BCAP29: variants seen among roughly 807,000 people sequenced by gnomAD.
The protein encoded by BCAP29 is B cell receptor associated protein 29, also known as B-cell receptor-associated protein 29.
BCAP29 carries 34 observed loss-of-function variants against 31.8 expected under a neutral mutation model. That is an observed-to-expected ratio of 1.07 (90% CI 0.81 to 1.42). The LOEUF is 1.42. Among genes scored for constraint, BCAP29 ranks in the 40% most tolerant of loss-of-function variants. BCAP29 has a pLI of 0.00. For synonymous variants in BCAP29, 104 were observed against 91.3 expected (o/e 1.14, Z -0.79); for missense variants, 314 against 269.2 (o/e 1.17, Z -1.16).
downstream of BCAP29, chr7:107,622,735 G>C (rs1398545943): frequency 6.6e-6 from 1 of 152,200 alleles, no homozygotes; most frequent in Non-Finnish European, 1.5e-5. Context: ...ATAACCAGGG[G>C]AATGCTCCTA....
At chr7:107,617,403 T>C (rs1325654332) in intron 7 of BCAP29, among the ~76,000 whole-genome samples, 1 of 152,152 alleles carries the variant, frequency 6.6e-6, no homozygotes, top group Non-Finnish European at 1.5e-5. Context: ...TTATAGGCAC[T>C]AAATAAATAT....
intron 6 of BCAP29, among the ~76,000 whole-genome samples, chr7:107,608,533 C>G (rs769487804): frequency 6.6e-5 from 10 of 151,992 alleles, no homozygotes; most frequent in Non-Finnish European, 1.2e-4. Context: ...ACAAGATACT[C>G]CAGGCTTATC....
intron 2 of BCAP29, among the ~76,000 whole-genome samples, 164 bp from the exon 3 acceptor site, chr7:107,583,718 A>AT (rs1285362759): frequency 2.6e-5 from 4 of 152,130 alleles, no homozygotes; most frequent in Non-Finnish European, 5.9e-5. Flanking sequence ...TTGTTTTTTA[A>AT]TTCATGAGAT....
chr7:107,582,015 C>T (rs918939763), intron 2 of BCAP29, among the ~76,000 whole-genome samples: 1 of 152,194 alleles, frequency 6.6e-6, no homozygotes, highest in African/African-American at 2.4e-5. Context: ...AGTGTTCTTT[C>T]TACTCCATCA....
chr7:107,617,522 A>G (rs925619847), intron 7 of BCAP29, among the ~76,000 whole-genome samples: 1 of 152,202 alleles, frequency 6.6e-6, no homozygotes, highest in Non-Finnish European at 1.5e-5. Flanking sequence ...GCACAAACCC[A>G]TCAGCACCTG....
rs776461247 is a variant in BCAP29 at position 107,580,867 on chromosome 7, A to G, written c.92+3A>G. 2.5e-6 allele frequency: 4 copies of G among 1,575,934 alleles called. No individual in the cohort carries two copies. Among genetic ancestry groups the G allele is most frequent in the South Asian group, 1.2e-5 (1 of 85,660 alleles). On this transcript the variant is annotated splice_donor_region_variant and intron_variant, in intron 2 of 7. Coordinates refer to ENST00000005259, the MANE Select transcript of BCAP29 (RefSeq NM_018844.4). ...CTACCTTTTATTCCTCCTCAGAGGT[A>G]GGAAACCTTCAAATCGTTAACTAAT...
intron 3 of BCAP29, among the ~76,000 whole-genome samples, chr7:107,590,831 A>C (rs952511416): frequency 5.3e-5 from 8 of 151,152 alleles, no homozygotes; most frequent in African/African-American, 1.7e-4. Context: ...AAAAAAAAAA[A>C]AAAAAGAAAG....
chr7:107,612,391 T>TCA (rs1813284355), intron 6 of BCAP29, among the ~76,000 whole-genome samples: 1 of 30,878 alleles, frequency 3.2e-5, no homozygotes, highest in Non-Finnish European at 6.0e-5. Flanking sequence ...ATGTATTGTT[T>TCA]TATATATATA....
intron 3 of BCAP29, among the ~76,000 whole-genome samples, chr7:107,590,188 G>A (rs1243343264): frequency 2.0e-5 from 3 of 152,094 alleles, no homozygotes; most frequent in Admixed American, 2.0e-4. Context: ...TTTAAAATCG[G>A]TGATTTTAGT....
rs1810955516 is a variant in BCAP29 at position 107,600,457 on chromosome 7, G to C, written c.541G>C (p.Val181Leu). Residue 181 changes from valine (V) to leucine (L), a missense_variant, in exon 6 of 8, where the codon GTA becomes CTA. Coordinates refer to ENST00000005259, the MANE Select transcript of BCAP29 (RefSeq NM_018844.4). ...CVLEAENKKLVEDQEKLKTEL... is the reference protein window; with the variant it reads ...CVLEAENKKLLEDQEKLKTEL... ...TTTGGAAGCAGAAAATAAAAAACTA[G>C]TAGAAGACCAGGAGAAACTGAAAAC... The C allele has an allele frequency of 1.2e-6, 2 of 1,611,276 alleles. No individual in the cohort carries two copies. Among genetic ancestry groups the C allele is most frequent in the Non-Finnish European group, 8.5e-7 (1 of 1,178,392 alleles).
Position 107,583,968 on chromosome 7 carries a change from T to C in BCAP29, c.179T>C (p.Ile60Thr). ...KAFLTIIILL[I>T]VLFLDAVREV... ...TTCCTTACCATTATCATCCTATTGA[T>C]TGTTCTATTTCTAGGTAAGTACTAG... Residue 60 changes from isoleucine to threonine, a missense_variant, in exon 3 of 8, where the codon ATT becomes ACT. Ile to Thr is a moderately conservative substitution (Grantham distance 89). Transcript: ENST00000005259. 6.4e-7 allele frequency: 1 copy of C among 1,565,462 alleles called. No individual in the cohort carries two copies. The highest frequency in any genetic ancestry group is 8.7e-7 in the Non-Finnish European group (1 of 1,150,694).
At position 107,583,941 on chromosome 7, in the gene BCAP29, C is replaced by G. The variant is rs760177381; in HGVS notation, c.152C>G (p.Ala51Gly). Reference protein sequence around the residue: ...WGKIATFWNKAFLTIIILLIV... With the variant: ...WGKIATFWNKGFLTIIILLIV... ...AAAATTGCAACTTTTTGGAACAAGG[C>G]TTTCCTTACCATTATCATCCTATTG... Residue 51 changes from alanine to glycine, a missense_variant, in exon 3 of 8, where the codon GCT becomes GGT. Ala to Gly is a moderately conservative substitution (Grantham distance 60, BLOSUM62 0). Coordinates refer to ENST00000005259, the MANE Select transcript of BCAP29 (RefSeq NM_018844.4). The G allele has an allele frequency of 2.5e-6, 4 of 1,584,768 alleles. No individual in the cohort carries two copies. The highest frequency in any genetic ancestry group is 1.7e-5 in the Admixed American group (1 of 57,160).
intron 6 of BCAP29, among the ~76,000 whole-genome samples, chr7:107,604,348 T>C (rs1371457783): frequency 6.6e-6 from 1 of 152,130 alleles, no homozygotes; most frequent in African/African-American, 2.4e-5. Flanking sequence ...TCCAGAGAAA[T>C]TGGAGATCAA....
At chr7:107,589,424 A>C (rs1159844865) in intron 3 of BCAP29, among the ~76,000 whole-genome samples, 2 of 152,226 alleles carry the variant, frequency 1.3e-5, no homozygotes, top group African/African-American at 4.8e-5. Flanking sequence ...ATCAGGCATT[A>C]GATTCTCATA....
intron 2 of BCAP29, 56 bp from the exon 3 acceptor site, chr7:107,583,826 A>G: frequency 1.2e-6 from 1 of 831,644 alleles, no homozygotes; most frequent in Non-Finnish European, 1.8e-6. Context: ...TTTAAAAAGT[A>G]TTTCAAAACT....
intron 6 of BCAP29, among the ~76,000 whole-genome samples, chr7:107,603,050 A>G (rs1811449253): frequency 7.0e-6 from 1 of 142,096 alleles, no homozygotes; most frequent in Admixed American, 7.6e-5. Flanking sequence ...GCTCACTGCA[A>G]GCTCTGCCTC....
intron 7 of BCAP29, 82 bp from the exon 8 acceptor site, chr7:107,618,246 A>C: frequency 1.0e-6 from 1 of 968,900 alleles, no homozygotes; most frequent in Admixed American, 2.4e-5. Flanking sequence ...TAGAAGAGAG[A>C]ATGTTTTTTA....
At chr7:107,585,755 C>A (rs560021965) in intron 3 of BCAP29, among the ~76,000 whole-genome samples, 1 of 152,150 alleles carries the variant, frequency 6.6e-6, no homozygotes, top group Admixed American at 6.5e-5. Context: ...TTCGAAAGAC[C>A]AAGGCAGGTG....
At chr7:107,612,433 A>ATTTATT (rs1440411229) in intron 6 of BCAP29, among the ~76,000 whole-genome samples, 778 of 42,030 alleles carry the variant, frequency 0.019, 50 homozygotes, top group African/African-American at 0.04. Context: ...ATATATATAT[A>ATTTATT]TATATATTTA....
Sources: gnomAD v4.1 joint callset for allele counts (sites outside exome capture counted in the v4.1 genomes callset) on GRCh38, gnomAD v4.1.1 for gene constraint, MANE v1.5 for transcripts, NCBI Gene and HGNC (gene_info 2026-07-23, HGNC 2026-07-21) for gene names.